The following CUL2 variants were observed in gnomAD, a reference collection of about 807,000 sequenced individuals.
The protein encoded by CUL2 is cullin-2.
In CUL2, 22 loss-of-function variants were observed where a neutral mutation model predicts 110.2. That is an observed-to-expected ratio of 0.20 (90% CI 0.14 to 0.28). CUL2 has a LOEUF of 0.28. CUL2 is among the 10% of genes least tolerant of loss of function. CUL2 has a pLI of 1.00. For missense variants in CUL2, 631 were observed against 905.5 expected (o/e 0.70, Z 3.89); for synonymous variants, 279 against 293.2 (o/e 0.95, Z 0.49).
At chr10:35,033,352 T>A in intron 10 of CUL2, 79 bp from the exon 11 acceptor site, 1 of 950,722 alleles carries the variant, frequency 1.1e-6, no homozygotes, top group Non-Finnish European at 1.6e-6. Context: ...TTAGACTTAT[T>A]AGTAAATTTT....
At chr10:35,063,174 T>C (rs1328852692) in intron 2 of CUL2, 112 bp from the exon 3 acceptor site, 1 of 633,636 alleles carries the variant, frequency 1.6e-6, no homozygotes, top group Non-Finnish European at 2.7e-6. Flanking sequence ...GTGGTTTAGC[T>C]TATAATATAC....
chr10:35,068,140 G>A (rs1465116501), intron 2 of CUL2, among the ~76,000 whole-genome samples: 1 of 149,904 alleles, frequency 6.7e-6, no homozygotes, highest in Non-Finnish European at 1.5e-5. Context: ...ACCACAAAAG[G>A]CTGGGTGCAA....
At chr10:35,061,958 A>G (rs950539535) in intron 3 of CUL2, among the ~76,000 whole-genome samples, 20 of 152,230 alleles carry the variant, frequency 1.3e-4, no homozygotes, top group African/African-American at 4.8e-4. Flanking sequence ...GCAGGGTTAG[A>G]CAGTTTAAAT....
At position 35,045,545 on chromosome 10, in the gene CUL2, C is replaced by CAAA. The variant is rs35223623; in HGVS notation, c.507-680_507-678dup. Among the ~76,000 whole-genome samples the CAAA allele has an allele frequency of 1.2e-3, 109 of 88,476 alleles. 1 individual carries two copies. The highest frequency in any genetic ancestry group is 8.3e-3 in the South Asian group (21 of 2,524). The allele number at this position is 88,476 out of a possible 152,430, so 58.0% of individuals were successfully genotyped here. ...CTGGGCAACATAGCAAGACCCCATA[C>CAAA]AAAAAAAAAAAAAAAACAACTTAGC... On this transcript the variant is annotated intron_variant, in intron 6 of 20. Coordinates refer to ENST00000374749, the MANE Select transcript of CUL2 (RefSeq NM_003591.4).
At chr10:35,039,108 T>G in intron 8 of CUL2, 26 bp from the exon 9 acceptor site, 2 of 1,470,408 alleles carry the variant, frequency 1.4e-6, no homozygotes, top group Non-Finnish European at 1.8e-6. Flanking sequence ...CTTACAGTCA[T>G]GAACACAAAG....
At chr10:35,040,813 C>T (rs34646624) in intron 8 of CUL2, among the ~76,000 whole-genome samples, 20,588 of 152,146 alleles carry the variant, frequency 0.14, 1,585 homozygotes, top group South Asian at 0.2. Flanking sequence ...TTCTAAAGAG[C>T]GCACATCCTA....
chr10:35,125,576 T>C (rs1477897703), intron 1 of CUL2, among the ~76,000 whole-genome samples: 1 of 152,236 alleles, frequency 6.6e-6, no homozygotes, highest in East Asian at 1.9e-4. Context: ...CAGTAACTGA[T>C]ATGAAATAAT....
chr10:35,075,726 TTTAA>T (rs2086803270), intron 1 of CUL2, among the ~76,000 whole-genome samples: 2 of 152,096 alleles, frequency 1.3e-5, no homozygotes, highest in South Asian at 4.1e-4. Context: ...AAAATTTATA[TTTAA>T]TTACCTGTTT....
At chr10:35,080,433 TTTTA>T (rs139166454) in intron 1 of CUL2, among the ~76,000 whole-genome samples, 34,381 of 140,424 alleles carry the variant, frequency 0.24, 4,335 homozygotes, top group Middle Eastern at 0.3. Flanking sequence ...GAATTCCTAT[TTTTA>T]TTTATTTATT....
At chr10:35,027,395 C>T (rs946009948) in intron 16 of CUL2, among the ~76,000 whole-genome samples, 17 of 152,060 alleles carry the variant, frequency 1.1e-4, no homozygotes, top group Non-Finnish European at 1.6e-4. Context: ...CCGCCCGCCT[C>T]GGCCTCCCAA....
chr10:35,071,688 A>G (rs11591847), intron 1 of CUL2, among the ~76,000 whole-genome samples: 32,631 of 152,104 alleles, frequency 0.21, 3,574 homozygotes, highest in African/African-American at 0.24. Context: ...GATTACAGGC[A>G]TGAACCATCA....
At position 35,013,906 on chromosome 10, in the gene CUL2, ACT is replaced by A. The variant is rs1456930305; in HGVS notation, c.1888-108_1888-107del. On this transcript the variant is annotated intron_variant, in intron 18 of 20. Transcript: ENST00000374749. ...TTAATGACCAAGCAAAAAAGCCTCC[ACT>A]CTCATAACTTTTATATTATAGATTA... 1.6e-5 allele frequency: 11 copies of A among 705,324 alleles called. No individual in the cohort carries two copies. In the East Asian group the frequency reaches 3.3e-4, roughly 21 times the overall value. 43.7% of individuals were successfully genotyped at this position (705,324 alleles called of 1,614,324 possible). A position where few individuals can be genotyped will look rare whatever the true frequency, so the allele number is the denominator to read the frequency against.
intron 8 of CUL2, among the ~76,000 whole-genome samples, chr10:35,042,022 T>G (rs1353268053): frequency 1.3e-5 from 2 of 152,212 alleles, no homozygotes; most frequent in Non-Finnish European, 2.9e-5. Flanking sequence ...ACATAGATAA[T>G]AAAATTTACA....
intron 1 of CUL2, among the ~76,000 whole-genome samples, chr10:35,106,243 C>A (rs2087453424): frequency 6.6e-6 from 1 of 151,984 alleles, no homozygotes; most frequent in Admixed American, 6.6e-5. Context: ...CACAGAGGGG[C>A]CTTCACCAGA....
At chr10:35,073,286 T>C (rs1419054442) in intron 1 of CUL2, among the ~76,000 whole-genome samples, 3 of 151,998 alleles carry the variant, frequency 2.0e-5, no homozygotes, top group Admixed American at 6.6e-5. Context: ...GTGGAGGAGG[T>C]GGGAGAACCT....
intron 4 of CUL2, among the ~76,000 whole-genome samples, chr10:35,060,091 C>G (rs1303937368): frequency 6.6e-6 from 1 of 152,060 alleles, no homozygotes; most frequent in Non-Finnish European, 1.5e-5. Context: ...GAGACAGCAT[C>G]TCTACAAAAA....
chr10:35,035,070 G>GT, intron 10 of CUL2, 102 bp downstream of exon 10: 1 of 1,364,456 alleles, frequency 7.3e-7, no homozygotes, highest in South Asian at 1.3e-5. Flanking sequence ...CGTTGGCATG[G>GT]TAAGACTTTT....
At chr10:35,093,583 T>G (rs141177816), upstream of CUL2, among the ~76,000 whole-genome samples, 21,227 of 145,192 alleles carry the variant, frequency 0.15, 1,819 homozygotes, top group East Asian at 0.24. Flanking sequence ...CACTTGAACC[T>G]GGGAGGCAGA....
chr10:35,119,398 A>G (rs1300463983), intron 1 of CUL2, among the ~76,000 whole-genome samples: 1 of 152,160 alleles, frequency 6.6e-6, no homozygotes, highest in Non-Finnish European at 1.5e-5. Context: ...CTTGAGCCAT[A>G]TAATTTTACC....
Sources: allele counts gnomAD v4.1 joint callset (sites outside exome capture counted in the v4.1 genomes callset), GRCh38; gene constraint gnomAD v4.1.1; transcripts MANE v1.5; gene names NCBI Gene and HGNC (gene_info 2026-07-23, HGNC 2026-07-21).